ADGRF4: variants seen among roughly 807,000 people sequenced by gnomAD.
The protein encoded by ADGRF4 is adhesion G protein-coupled receptor F4, also known as G-protein coupled receptor PGR18.
In ADGRF4, 63 loss-of-function variants were observed where a neutral mutation model predicts 58.5. The observed-to-expected ratio is 1.08, with a 90% CI of 0.88 to 1.33. The LOEUF (loss-of-function observed/expected upper bound fraction) is 1.33, where lower values mean the gene tolerates loss of function less well. Among genes scored for constraint, ADGRF4 ranks in the 40% most tolerant of loss-of-function variants. The pLI, the probability that ADGRF4 is intolerant of heterozygous loss-of-function variation, is 0.00. For missense variants in ADGRF4, 931 were observed against 843.9 expected (o/e 1.10, Z -1.28); for synonymous variants, 313 against 295.4 (o/e 1.06, Z -0.61).
chr6:47,704,362 C>T (rs1471853137), intron 1 of ADGRF4, among the ~76,000 whole-genome samples: 3 of 152,100 alleles, frequency 2.0e-5, no homozygotes, highest in African/African-American at 4.8e-5. Flanking sequence ...TGCCTCCCTT[C>T]GTCTCGCCTT....
At chr6:47,700,069 A>G (rs1351867915) in intron 1 of ADGRF4, among the ~76,000 whole-genome samples, 1 of 152,192 alleles carries the variant, frequency 6.6e-6, no homozygotes, top group Non-Finnish European at 1.5e-5. Flanking sequence ...AAGACTGGCA[A>G]AAAAGTGAGA....
In ADGRF4 at chr6:47,710,891, T is replaced by C. The variant is rs1386346369; in HGVS notation, c.300+5T>C. The C allele has an allele frequency of 6.2e-7, 1 of 1,607,476 alleles. No individual in the cohort carries two copies. The highest frequency in any genetic ancestry group is 8.5e-7 in the Non-Finnish European group (1 of 1,178,128). ...TCTGTGGAAAAACTCTTTAAGGTGA[T>C]GCATTCACAAATTATTGGTGACAGA... On this transcript the variant is annotated splice_donor_5th_base_variant and intron_variant, in intron 4 of 9. Coordinates refer to ENST00000283303, the MANE Select transcript of ADGRF4 (RefSeq NM_153838.5).
In ADGRF4 at chr6:47,713,802, A is replaced by G. The variant is rs528317988; in HGVS notation, c.557A>G (p.Tyr186Cys). The G allele has an allele frequency of 6.3e-5, 98 of 1,544,396 alleles. 1 individual carries two copies. In the South Asian group the frequency reaches 1.1e-3, roughly 18 times the overall value. Residue 186 changes from tyrosine (Y) to cysteine (C), a missense_variant, in exon 6 of 10, where the codon TAT (tyrosine) becomes TGT (cysteine). Tyr to Cys is a radical substitution (Grantham distance 194, BLOSUM62 -2). Coordinates refer to ENST00000283303, the MANE Select transcript of ADGRF4 (RefSeq NM_153838.5). ...GTTCACCTTTCTCCATTGCAGAGCTATAGTGAAGTGGCCAACCACATCCTC... is the reference window on the plus strand; with the variant it reads ...GTTCACCTTTCTCCATTGCAGAGCTGTAGTGAAGTGGCCAACCACATCCTC... Reference protein sequence around the residue: ...DNVTREKMKSYSEVANHILDT... With the variant: ...DNVTREKMKSCSEVANHILDT...
rs763453622 is a variant in ADGRF4, at chr6:47,710,731, A to G, written c.149-4A>G. ...TCTCTCTCTTTCTCTTTTTTTCTTT[A>G]TAGAGAAATGCGAAGGACCTTGTAT... On this transcript the variant is annotated splice_region_variant and splice_polypyrimidine_tract_variant and intron_variant, in intron 3 of 9. Coordinates refer to ENST00000283303, the MANE Select transcript of ADGRF4 (RefSeq NM_153838.5). The G allele has an allele frequency of 6.3e-7, 1 of 1,582,416 alleles. No homozygotes were observed.
intron 1 of ADGRF4, among the ~76,000 whole-genome samples, chr6:47,700,086 A>T (rs1771557632): frequency 6.6e-6 from 1 of 151,914 alleles, no homozygotes; most frequent in Non-Finnish European, 1.5e-5. Context: ...GAGAAGAGGC[A>T]CTCCCTCTCA....
rs144151034 is a variant in ADGRF4 at position 47,718,424 on chromosome 6, A to G, written c.2070A>G (p.Leu690=). 1.5e-3 allele frequency: 2,338 copies of G among 1,580,944 alleles called. 4 individuals carry two copies. The highest frequency in any genetic ancestry group is 1.9e-3 in the Non-Finnish European group (2,237 of 1,149,736). Residue 690 remains leucine, a synonymous_variant, in exon 9 of 10, where the codon TTA becomes TTG. Coordinates refer to ENST00000283303, the MANE Select transcript of ADGRF4 (RefSeq NM_153838.5). Reference sequence around the variant, plus strand: ...TAGGCCCAACCAATGGATCTAAATTAATGAATCGTCAAGGATGAAATGTGA... The same window carrying G: ...TAGGCCCAACCAATGGATCTAAATTGATGAATCGTCAAGGATGAAATGTGA... ...ASLGPTNGSK[L]MNRQG is the part of the protein sequence containing the mutation.
At position 47,714,934 on chromosome 6, in the gene ADGRF4, C is replaced by T. The variant is rs113911204; in HGVS notation, c.1689C>T (p.Ala563=). 3 of 1,613,584 alleles carry T rather than the reference C, an allele frequency of 1.9e-6. No individual in the cohort carries two copies. Among genetic ancestry groups the T allele is most frequent in the African/African-American group, 1.3e-5 (1 of 74,942 alleles). ...ATACCAAAGCCCTTTTAGCATTTGC[C>T]ATCCCGGCGTTCGTCATTGTGGCTG... is the stretch of plus-strand genomic sequence containing the variant. ...WDNTKALLAF[A]IPAFVIVAVN... The change falls in exon 6 of 10, where the codon GCC becomes GCT. Residue 563 remains alanine (A), a synonymous_variant. Coordinates refer to ENST00000283303, the MANE Select transcript of ADGRF4 (RefSeq NM_153838.5).
chr6:47,706,030 T>C (rs574667726), intron 1 of ADGRF4, among the ~76,000 whole-genome samples: 70 of 152,338 alleles, frequency 4.6e-4, no homozygotes, highest in African/African-American at 1.7e-3. Flanking sequence ...CTACATTTTA[T>C]GAAATGGATG....
chr6:47,709,153 C>T (rs1771798585), intron 3 of ADGRF4, among the ~76,000 whole-genome samples: 1 of 150,924 alleles, frequency 6.6e-6, no homozygotes. Flanking sequence ...AAAGGTGACT[C>T]TCAGGCAACT....
intron 3 of ADGRF4, among the ~76,000 whole-genome samples, chr6:47,709,170 C>T (rs1771798847): frequency 6.6e-6 from 1 of 151,026 alleles, no homozygotes; most frequent in South Asian, 2.1e-4. Context: ...AACTGGTTAC[C>T]TCATTTTATT....
chr6:47,710,869 G>A lies in ADGRF4; in HGVS notation c.283G>A (p.Val95Met), dbSNP rs373005300. Reference protein sequence around the residue: ...KSAETCTSLSVEKLFKDSTGA... With the variant: ...KSAETCTSLSMEKLFKDSTGA... ...AGCTGAAACATGTACAAGCCTTTCT[G>A]TGGAAAAACTCTTTAAGGTGATGCA... Residue 95 changes from valine (V) to methionine (M), a missense_variant, in exon 4 of 10, where the codon GTG (valine) becomes ATG (methionine). Coordinates refer to ENST00000283303, the MANE Select transcript of ADGRF4 (RefSeq NM_153838.5). The A allele has an allele frequency of 3.7e-6, 6 of 1,612,412 alleles. No homozygotes were observed. The highest frequency in any genetic ancestry group is 5.1e-6 in the Non-Finnish European group (6 of 1,179,596).
chr6:47,703,765 A>C (rs559506525), intron 1 of ADGRF4, among the ~76,000 whole-genome samples: 1 of 152,178 alleles, frequency 6.6e-6, no homozygotes, highest in Admixed American at 6.5e-5. Context: ...GTTTTTATTT[A>C]TGTACATATA....
At chr6:47,719,163 T>C (rs7756495) in intron 9 of ADGRF4, among the ~76,000 whole-genome samples, 86,932 of 152,000 alleles carry the variant, frequency 0.57, 25,688 homozygotes, top group Middle Eastern at 0.69. Flanking sequence ...GGTCCATATA[T>C]TGAGCAATGG....
chr6:47,708,744 A>C (rs988696045), intron 3 of ADGRF4, among the ~76,000 whole-genome samples: 1 of 152,220 alleles, frequency 6.6e-6, no homozygotes, highest in Non-Finnish European at 1.5e-5. Flanking sequence ...GGGGGTAATC[A>C]CTAGGAGTAC....
In ADGRF4 at chr6:47,713,919, T is replaced by C; in HGVS notation, c.674T>C (p.Leu225Pro). Reference sequence around the variant, plus strand: ...TCAGTGAATTTGTTTGCCAGACAACTCCACATCCACAATAATTCTGAGAAC... The same window carrying C: ...TCAGTGAATTTGTTTGCCAGACAACCCCACATCCACAATAATTCTGAGAAC... ...LQSVNLFARQ[L>P]HIHNNSENIV... The change falls in exon 6 of 10, where the codon CTC becomes CCC. Residue 225 changes from leucine to proline, a missense_variant. Transcript: ENST00000283303. The C allele has an allele frequency of 1.2e-6, 2 of 1,609,684 alleles. No homozygotes were observed. Among genetic ancestry groups the C allele is most frequent in the Non-Finnish European group, 1.7e-6 (2 of 1,178,258 alleles).
intron 4 of ADGRF4, among the ~76,000 whole-genome samples, chr6:47,711,125 A>G (rs9381602): frequency 0.57 from 86,558 of 151,410 alleles, 25,567 homozygotes; most frequent in Middle Eastern, 0.69. Flanking sequence ...AAAAAAAAAA[A>G]AAAAGATATG....
intron 2 of ADGRF4, 129 bp from the exon 3 acceptor site, chr6:47,708,095 T>C: frequency 1.5e-6 from 1 of 667,762 alleles, no homozygotes; most frequent in Non-Finnish European, 2.6e-6. Context: ...TACCAGCACA[T>C]TTATCTGCTG....
At chr6:47,715,241 T>G (rs972431239) in intron 6 of ADGRF4, 64 bp downstream of exon 6, 227 of 1,166,958 alleles carry the variant, frequency 1.9e-4, no homozygotes, top group Non-Finnish European at 2.6e-4. Flanking sequence ...ATGGCTATGA[T>G]TTGAAATTAT....
chr6:47,717,415 A>T, intron 8 of ADGRF4, 64 bp downstream of exon 8: 1 of 1,002,740 alleles, frequency 1.0e-6, no homozygotes, highest in Non-Finnish European at 1.6e-6. Context: ...ATGCAGAGAC[A>T]AATACCATAG....
Sources: gnomAD v4.1 joint callset for allele counts (sites outside exome capture counted in the v4.1 genomes callset) on GRCh38, gnomAD v4.1.1 for gene constraint, MANE v1.5 for transcripts, NCBI Gene and HGNC (gene_info 2026-07-23, HGNC 2026-07-21) for gene names.